Variants in PLIN3 observed in about 807,000 individuals in gnomAD.
PLIN3 encodes the protein perilipin-3.
A neutral mutation model predicts 35.9 loss-of-function variants in PLIN3; 30 were observed. That is an observed-to-expected ratio of 0.84 (90% CI 0.62 to 1.13). The LOEUF is 1.13. Ranked by LOEUF, PLIN3 falls within the 50% of genes most tolerant of loss-of-function variation. The pLI, the probability that PLIN3 is intolerant of heterozygous loss-of-function variation, is 0.00. For missense variants in PLIN3, 603 were observed against 596.9 expected (o/e 1.01, Z -0.11); for synonymous variants, 261 against 262.5 (o/e 0.99, Z 0.06).
Position 4,839,525 on chromosome 19 carries a change from G to A in PLIN3, c.972C>T (p.Ser324=), listed in dbSNP as rs1483059380. 1.3e-6 allele frequency: 2 copies of A among 1,523,392 alleles called. No individual in the cohort carries two copies. Among genetic ancestry groups the A allele is most frequent in the Non-Finnish European group, 8.8e-7 (1 of 1,132,340 alleles). The allele number at this position is 1,523,392 out of a possible 1,614,324, so 94.4% of individuals were successfully genotyped here. The change falls in exon 8 of 8, where the codon TCC becomes TCT. Residue 324 remains serine (S), a synonymous_variant. Transcript: ENST00000221957. ...KEPPKPEQVE[S]RALTMFRDIA... ...TGTCCCGGAACATGGTGAGCGCCCG[G>A]GACTCGACCTGCTGAGAAGGGAGAT...
At chr19:4,864,773 A>C (rs1161891892) in intron 1 of PLIN3, among the ~76,000 whole-genome samples, 1 of 152,150 alleles carries the variant, frequency 6.6e-6, no homozygotes, top group Non-Finnish European at 1.5e-5. Flanking sequence ...TAGTGAAATG[A>C]AGCTGGGACA....
At chr19:4,856,574 T>C (rs867814598) in intron 4 of PLIN3, among the ~76,000 whole-genome samples, 2 of 151,366 alleles carry the variant, frequency 1.3e-5, no homozygotes, top group African/African-American at 2.4e-5. Flanking sequence ...ACTAAAAAAA[T>C]AAGCATCTAC....
intron 4 of PLIN3, among the ~76,000 whole-genome samples, chr19:4,858,460 C>A (rs985579500): frequency 2.2e-4 from 34 of 151,302 alleles, no homozygotes; most frequent in African/African-American, 7.3e-4. Flanking sequence ...TCACTGCAAC[C>A]TCCGTCTCCT....
chr19:4,839,083 G>A lies in PLIN3; in HGVS notation c.*109C>T, dbSNP rs1477660684. 3 of 885,344 alleles carry A rather than the reference G, an allele frequency of 3.4e-6. No individual in the cohort carries two copies. The highest frequency in any genetic ancestry group is 2.5e-5 in the East Asian group (1 of 40,414). 54.8% of individuals were successfully genotyped at this position (885,344 alleles called of 1,614,324 possible). On this transcript the variant is annotated 3_prime_UTR_variant, in exon 8 of 8. Transcript: ENST00000221957. Reference sequence around the variant, plus strand: ...AGCTTCCCAAGTGGACAGCACAGAAGAGCTGGGAGGAGTGGCTAGAAAATA... The same window carrying A: ...AGCTTCCCAAGTGGACAGCACAGAAAAGCTGGGAGGAGTGGCTAGAAAATA...
rs745923373 is a variant in PLIN3 at position 4,838,967 on chromosome 19, G to A, written c.*225C>T. The A allele has an allele frequency of 5.1e-4, 216 of 426,514 alleles. 1 individual carries two copies. Among genetic ancestry groups the A allele is most frequent in the Admixed American group, 9.8e-4 (26 of 26,546 alleles). The allele number at this position is 426,514 out of a possible 1,614,324, so 26.4% of individuals were successfully genotyped here. A position where few individuals can be genotyped will look rare whatever the true frequency, so the allele number is the denominator to read the frequency against. ...TTTTTTCTGGACATCTCTCTCTACT[G>A]ACTGATAGGGTGAGGCTCAGAACAG... On this transcript the variant is annotated 3_prime_UTR_variant, in exon 8 of 8. Coordinates refer to ENST00000221957, the MANE Select transcript of PLIN3 (RefSeq NM_005817.5).
At chr19:4,840,752 C>T (rs369138307) in intron 7 of PLIN3, among the ~76,000 whole-genome samples, 37 of 152,278 alleles carry the variant, frequency 2.4e-4, no homozygotes, top group African/African-American at 8.7e-4. Context: ...GGAGTTCAGC[C>T]TGACCAACAT....
At chr19:4,853,713 T>A (rs1234581367) in intron 4 of PLIN3, among the ~76,000 whole-genome samples, 1 of 151,854 alleles carries the variant, frequency 6.6e-6, no homozygotes, top group Non-Finnish European at 1.5e-5. Flanking sequence ...CTCAAGAGGC[T>A]GAGGCGGGAG....
chr19:4,839,966 T>C (rs1264545031), intron 7 of PLIN3, among the ~76,000 whole-genome samples: 8 of 121,712 alleles, frequency 6.6e-5, no homozygotes, highest in Non-Finnish European at 1.2e-4. Flanking sequence ...TGCCCGGCCC[T>C]TTTTTTTTTT....
chr19:4,858,309 G>A (rs191411103), intron 4 of PLIN3, among the ~76,000 whole-genome samples: 18 of 149,998 alleles, frequency 1.2e-4, no homozygotes, highest in Admixed American at 6.7e-4. Flanking sequence ...GGCCCACAGA[G>A]GCAAAGTAAC....
chr19:4,860,446 G>A (rs917789127), intron 2 of PLIN3, among the ~76,000 whole-genome samples: 12 of 151,818 alleles, frequency 7.9e-5, no homozygotes, highest in Middle Eastern at 3.4e-3. Context: ...CTCGTGATTC[G>A]CCCACCTCAG....
chr19:4,845,962 C>G (rs555500968), intron 6 of PLIN3, among the ~76,000 whole-genome samples: 1 of 148,088 alleles, frequency 6.8e-6, no homozygotes, highest in Admixed American at 6.8e-5. Context: ...CGGTGGCTCA[C>G]GCCTGTAATT....
intron 7 of PLIN3, among the ~76,000 whole-genome samples, chr19:4,840,438 G>C (rs1599155505): frequency 6.6e-6 from 1 of 152,064 alleles, no homozygotes; most frequent in African/African-American, 2.4e-5. Context: ...AAAATTTTCT[G>C]TAGAGCCAGG....
intron 7 of PLIN3, among the ~76,000 whole-genome samples, chr19:4,842,825 C>T (rs1025521193): frequency 6.6e-5 from 10 of 152,158 alleles, no homozygotes; most frequent in South Asian, 6.2e-4. Context: ...TTCTGCCTCC[C>T]GAACAATTTG....
intron 4 of PLIN3, among the ~76,000 whole-genome samples, chr19:4,852,711 G>C (rs1810592670): frequency 6.6e-6 from 1 of 151,870 alleles, no homozygotes; most frequent in Non-Finnish European, 1.5e-5. Context: ...CACCATCTCA[G>C]ATCACTGCAA....
At chr19:4,846,356 G>A (rs1451151783) in intron 6 of PLIN3, among the ~76,000 whole-genome samples, 4 of 147,082 alleles carry the variant, frequency 2.7e-5, no homozygotes, top group African/African-American at 1.0e-4. Flanking sequence ...GGTAAATGAA[G>A]CTATCCATTA....
chr19:4,860,067 T>C (rs200415963), intron 2 of PLIN3, 43 bp from the exon 3 acceptor site: 8 of 1,584,500 alleles, frequency 5.0e-6, no homozygotes, highest in Admixed American at 1.7e-5. Flanking sequence ...TGGGGGAAGA[T>C]GGGGAGCTCA....
rs370671939 is a variant in PLIN3 at position 4,852,030 on chromosome 19, G to A, written c.620C>T (p.Thr207Met). Reference protein sequence around the residue: ...EEWADNHLPLTDAELARIATS... With the variant: ...EEWADNHLPLMDAELARIATS... ...GCCACACTTACCCAGTTCGGCATCC[G>A]TAAGGGGCAGGTGGTTGTCCGCCCA... is the stretch of plus-strand genomic sequence containing the variant. The change falls in exon 5 of 8, where the codon ACG (threonine) becomes ATG (methionine). Residue 207 changes from threonine (T) to methionine (M), a missense_variant. Thr to Met is a moderately conservative substitution (Grantham distance 81). Transcript: ENST00000221957. 2.2e-5 allele frequency: 35 copies of A among 1,613,434 alleles called. No individual in the cohort carries two copies. Among genetic ancestry groups the A allele is most frequent in the South Asian group, 6.6e-5 (6 of 91,060 alleles).
chr19:4,866,221 T>C (rs960830349), intron 1 of PLIN3, among the ~76,000 whole-genome samples: 3 of 152,010 alleles, frequency 2.0e-5, no homozygotes, highest in African/African-American at 7.3e-5. Context: ...TTTCACCATG[T>C]TGGCCAGGCT....
intron 4 of PLIN3, among the ~76,000 whole-genome samples, chr19:4,858,872 T>C (rs1041444729): frequency 1.3e-5 from 2 of 151,596 alleles, no homozygotes; most frequent in African/African-American, 4.8e-5. Flanking sequence ...CAGATAAATT[T>C]TGTATTTTTA....
Sources: gnomAD v4.1 joint callset for allele counts (sites outside exome capture counted in the v4.1 genomes callset) on GRCh38, gnomAD v4.1.1 for gene constraint, MANE v1.5 for transcripts, NCBI Gene and HGNC (gene_info 2026-07-23, HGNC 2026-07-21) for gene names.